NT5C3A: variants seen among roughly 807,000 people sequenced by gnomAD.
The protein encoded by NT5C3A is 5'-nucleotidase, cytosolic IIIA.
In NT5C3A, 23 loss-of-function variants were observed where a neutral mutation model predicts 40.0. That is an observed-to-expected ratio of 0.58 (90% CI 0.41 to 0.81). The LOEUF (loss-of-function observed/expected upper bound fraction) is 0.81. Among genes scored for constraint, NT5C3A ranks in the 40% least tolerant of loss-of-function variants. The probability of loss-of-function intolerance (pLI) is 0.00; values close to 1 mark genes in which losing one functional copy is unlikely to be tolerated. For synonymous variants in NT5C3A, 130 were observed against 141.4 expected, an observed-to-expected ratio of 0.92 and a Z score of 0.57; for missense variants, 328 against 403.0, an observed-to-expected ratio of 0.81 and a Z score of 1.59.
In NT5C3A at chr7:33,015,773, T is replaced by A; in HGVS notation, c.791A>T (p.Asn264Ile). 2 of 1,609,162 alleles carry A rather than the reference T, an allele frequency of 1.2e-6. No homozygotes were observed. The highest frequency in any genetic ancestry group is 2.2e-5 in the South Asian group (2 of 90,990). The change falls in exon 8 of 9, where the codon AAT (asparagine) becomes ATT (isoleucine). Residue 264 changes from asparagine to isoleucine, a missense_variant. This residue lies in a region of NT5C3A where 12 missense variants were observed against 34.7 expected (regional missense o/e 0.35). Coordinates refer to ENST00000610140, the MANE Select transcript of NT5C3A (RefSeq NM_001002010.5). Reference sequence around the variant, plus strand: ...GTCTCCCAGAAGAATTATGTTACTATTGTCTTTTAGTTGATTGAAATATTC... The same window carrying A: ...GTCTCCCAGAAGAATTATGTTACTAATGTCTTTTAGTTGATTGAAATATTC... ...NTEYFNQLKDNSNIILLGDSQ... is the reference protein window; with the variant it reads ...NTEYFNQLKDISNIILLGDSQ...
chr7:33,057,307 A>G (rs1787609618), intron 1 of NT5C3A, among the ~76,000 whole-genome samples: 1 of 152,092 alleles, frequency 6.6e-6, no homozygotes, highest in South Asian at 2.1e-4. Context: ...GGATCTCTTG[A>G]GCCCAGCAAT....
intron 1 of NT5C3A, among the ~76,000 whole-genome samples, chr7:33,061,859 T>C (rs1028665822): frequency 6.6e-6 from 1 of 152,188 alleles, no homozygotes; most frequent in African/African-American, 2.4e-5. Flanking sequence ...TCCTCATTTT[T>C]GAAACAATTA....
intron 1 of NT5C3A, among the ~76,000 whole-genome samples, chr7:33,033,922 C>T (rs4000127): frequency 0.034 from 4,857 of 143,716 alleles, 135 homozygotes; most frequent in South Asian, 0.12. Context: ...GAGGGAGTCT[C>T]GCATTGTCGC....
At chr7:33,025,761 GTT>G (rs1444860642) in intron 2 of NT5C3A, among the ~76,000 whole-genome samples, 1 of 152,140 alleles carries the variant, frequency 6.6e-6, no homozygotes, top group African/African-American at 2.4e-5. Flanking sequence ...TATTCTGTCT[GTT>G]TTAGAACAAC....
chr7:33,055,191 G>A (rs1204956238), intron 1 of NT5C3A, among the ~76,000 whole-genome samples: 1 of 152,036 alleles, frequency 6.6e-6, no homozygotes, highest in East Asian at 1.9e-4. Flanking sequence ...TGGGCGTGGT[G>A]GTGCCTGTCT....
chr7:33,051,808 C>G (rs1787377711), intron 1 of NT5C3A, among the ~76,000 whole-genome samples: 1 of 152,148 alleles, frequency 6.6e-6, no homozygotes, highest in Non-Finnish European at 1.5e-5. Context: ...AAACCATACC[C>G]AAAGCCTCTC....
rs762837214 is a variant in NT5C3A at position 33,019,646 on chromosome 7, G to A, written c.519C>T (p.Asp173=). The part of the protein sequence containing the change: ...AKLKEIVAES[D]VMLKEGYENF... ...TCCAAGAAACTTACTTGAGCATAAC[G>A]TCAGATTCTGCCACAATTTCTTTAA... Residue 173 remains aspartate, a synonymous_variant, in exon 6 of 9, where the codon GAC becomes GAT. Coordinates refer to ENST00000610140, the MANE Select transcript of NT5C3A (RefSeq NM_001002010.5). The A allele has an allele frequency of 2.6e-5, 41 of 1,596,712 alleles. No individual in the cohort carries two copies. The highest frequency in any genetic ancestry group is 3.3e-5 in the Non-Finnish European group (38 of 1,165,644).
chr7:33,029,022 A>T (rs1786101264), intron 1 of NT5C3A, among the ~76,000 whole-genome samples: 1 of 152,118 alleles, frequency 6.6e-6, no homozygotes, highest in African/African-American at 2.4e-5. Context: ...TAGAGAAAAG[A>T]CAAATGCTAA....
chr7:33,061,167 C>T (rs569931850), intron 1 of NT5C3A, among the ~76,000 whole-genome samples: 3 of 152,164 alleles, frequency 2.0e-5, no homozygotes, highest in Non-Finnish European at 4.4e-5. Context: ...CGGTTTTTTC[C>T]CCTACATAGG....
intron 1 of NT5C3A, among the ~76,000 whole-genome samples, chr7:33,057,116 T>G (rs946701809): frequency 1.3e-5 from 2 of 152,028 alleles, no homozygotes; most frequent in Admixed American, 6.6e-5. Context: ...CCCGGCCCTT[T>G]TTTGTTTTTT....
At chr7:33,060,740 G>A (rs1010267979) in intron 1 of NT5C3A, among the ~76,000 whole-genome samples, 3 of 152,114 alleles carry the variant, frequency 2.0e-5, no homozygotes, top group Admixed American at 2.0e-4. Context: ...GGAGGGCAGA[G>A]GATGGGCAGA....
intron 1 of NT5C3A, among the ~76,000 whole-genome samples, chr7:33,061,626 T>C (rs1410547513): frequency 6.6e-6 from 1 of 152,212 alleles, no homozygotes; most frequent in Non-Finnish European, 1.5e-5. Context: ...ATATTGCAGG[T>C]GCTCAGAAAT....
chr7:33,060,711 CAG>C (rs1446129718), intron 1 of NT5C3A, among the ~76,000 whole-genome samples: 1 of 152,098 alleles, frequency 6.6e-6, no homozygotes, highest in Non-Finnish European at 1.5e-5. Context: ...CATGGGTTTG[CAG>C]AGATTTTTCT....
chr7:33,036,535 G>A (rs1416762753), intron 1 of NT5C3A, among the ~76,000 whole-genome samples: 1 of 151,994 alleles, frequency 6.6e-6, no homozygotes, highest in Non-Finnish European at 1.5e-5. Flanking sequence ...TTTGTATGGA[G>A]AATCTGAAGC....
chr7:33,062,609 A>G lies in NT5C3A; in HGVS notation c.97T>C (p.Leu33=), dbSNP rs1232859478. The change falls in exon 1 of 9, where the codon TTG becomes CTG. Residue 33 remains leucine (L), a synonymous_variant. Transcript: ENST00000610140. ...GVVLAQYIFT[L]KRKTGRKTKI... ...GTCTTCCGCCCCGTCTTCCTCTTCA[A>G]GGTGAATATGTACTGAGCCAGCACC... is the stretch of plus-strand genomic sequence containing the variant. The G allele has an allele frequency of 6.2e-7, 1 of 1,609,638 alleles. No individual in the cohort carries two copies. Among genetic ancestry groups the G allele is most frequent in the Non-Finnish European group, 8.5e-7 (1 of 1,178,746 alleles).
At chr7:33,055,162 T>C (rs1172622986) in intron 1 of NT5C3A, among the ~76,000 whole-genome samples, 1 of 152,046 alleles carries the variant, frequency 6.6e-6, no homozygotes, top group Non-Finnish European at 1.5e-5. Flanking sequence ...TCATCTCTCC[T>C]AAAAATACAA....
chr7:33,031,605 T>A (rs1376039671), intron 1 of NT5C3A, among the ~76,000 whole-genome samples: 7 of 151,722 alleles, frequency 4.6e-5, no homozygotes, highest in East Asian at 1.9e-4. Context: ...AATAAATAAA[T>A]AAAAAGATTT....
chr7:33,021,143 A>C lies in NT5C3A; in HGVS notation c.440+129T>G, dbSNP rs17170153. On this transcript the variant is annotated intron_variant, in intron 5 of 8. Transcript: ENST00000610140. The stretch of plus-strand genomic sequence containing the variant: ...ATAATTAGAGCTCATTTTGTTATTC[A>C]ATGCTCTAACTTGCATAATTTATTA... The C allele has an allele frequency of 0.069, 82,748 of 1,207,978 alleles. 3,061 individuals are homozygous for C. The highest frequency in any genetic ancestry group is 0.15 in the East Asian group (5,877 of 39,634). The allele number at this position is 1,207,978 out of a possible 1,614,324, so 74.8% of individuals were successfully genotyped here. A position where few individuals can be genotyped will look rare whatever the true frequency, so the allele number is the denominator to read the frequency against.
At chr7:33,056,715 G>C (rs1393646400) in intron 1 of NT5C3A, among the ~76,000 whole-genome samples, 3 of 152,004 alleles carry the variant, frequency 2.0e-5, no homozygotes, top group Non-Finnish European at 4.4e-5. Flanking sequence ...TAAAGCAGTT[G>C]TTTAAAACTT....
Sources: allele counts gnomAD v4.1 joint callset (sites outside exome capture counted in the v4.1 genomes callset), GRCh38; gene constraint gnomAD v4.1.1; regional missense constraint gnomAD v4.1.1; transcripts MANE v1.5; gene names NCBI Gene and HGNC (gene_info 2026-07-23, HGNC 2026-07-21).